ELP4: variants seen among roughly 807,000 people sequenced by gnomAD.
ELP4 encodes elongator acetyltransferase complex subunit 4, also known as elongator complex protein 4.
A neutral mutation model predicts 48.9 loss-of-function variants in ELP4; 51 were observed. The ratio of observed to expected loss-of-function variants is 1.04; its 90% CI spans 0.83 to 1.32. The LOEUF (loss-of-function observed/expected upper bound fraction) is 1.32. Among genes scored for constraint, ELP4 ranks in the 40% most tolerant of loss-of-function variants. The pLI is 0.00. For synonymous variants in ELP4, 210 were observed against 189.2 expected (o/e 1.11, Z -0.90); for missense variants, 519 against 514.6 (o/e 1.01, Z -0.08).
intron 9 of ELP4, among the ~76,000 whole-genome samples, chr11:31,752,266 G>C (rs547175692): frequency 7.0e-6 from 1 of 143,228 alleles, no homozygotes; most frequent in Non-Finnish European, 1.5e-5. Context: ...CTTAGCACTT[G>C]TTCTTAGTAA....
intron 9 of ELP4, among the ~76,000 whole-genome samples, chr11:31,754,942 G>T (rs1947801899): frequency 6.6e-6 from 1 of 152,148 alleles, no homozygotes; most frequent in South Asian, 2.1e-4. Context: ...GCCAGTTCTT[G>T]CTCTCTGAGC....
intron 9 of ELP4, among the ~76,000 whole-genome samples, chr11:31,724,392 C>T (rs1187355088): frequency 6.6e-6 from 1 of 152,170 alleles, no homozygotes; most frequent in East Asian, 1.9e-4. Flanking sequence ...TATGAAATCA[C>T]TGTTTTAATT....
chr11:31,572,708 G>A (rs914372082), intron 3 of ELP4, among the ~76,000 whole-genome samples: 9 of 152,130 alleles, frequency 5.9e-5, no homozygotes, highest in South Asian at 2.1e-4. Flanking sequence ...TGTAAAAAAG[G>A]TTTGTAGTAG....
chr11:31,769,160 A>G (rs879722420), intron 9 of ELP4, among the ~76,000 whole-genome samples: 2 of 152,204 alleles, frequency 1.3e-5, no homozygotes, highest in Non-Finnish European at 2.9e-5. Context: ...GGGGTCTCAA[A>G]GTAACTAGAG....
intron 2 of ELP4, 33 bp downstream of exon 2, chr11:31,520,124 A>G (rs761976402): frequency 2.5e-6 from 4 of 1,582,624 alleles, no homozygotes; most frequent in East Asian, 4.5e-5. Context: ...GCTCTCCTCT[A>G]TCATTGTTTT....
chr11:31,758,576 G>A (rs1947879238), intron 9 of ELP4, among the ~76,000 whole-genome samples: 1 of 151,830 alleles, frequency 6.6e-6, no homozygotes, highest in African/African-American at 2.4e-5. Context: ...GATAGTATAT[G>A]TCACAATATA....
intron 9 of ELP4, among the ~76,000 whole-genome samples, chr11:31,656,046 A>T (rs944020949): frequency 9.2e-5 from 14 of 152,002 alleles, no homozygotes; most frequent in Non-Finnish European, 1.9e-4. Context: ...GGAAGAAAAA[A>T]CATTTTTCCC....
At chr11:31,553,215 T>C (rs1349268164) in intron 3 of ELP4, among the ~76,000 whole-genome samples, 7 of 152,184 alleles carry the variant, frequency 4.6e-5, no homozygotes, top group Admixed American at 4.6e-4. Flanking sequence ...CTATTGCTTA[T>C]TACAGTGGAT....
intron 9 of ELP4, among the ~76,000 whole-genome samples, chr11:31,768,456 T>C (rs1004822619): frequency 2.6e-5 from 4 of 152,196 alleles, no homozygotes; most frequent in Admixed American, 1.3e-4. Flanking sequence ...CATTTCATTT[T>C]CTCAAACCAA....
intron 5 of ELP4, among the ~76,000 whole-genome samples, chr11:31,614,882 A>G (rs573353374): frequency 6.6e-6 from 1 of 152,306 alleles, no homozygotes; most frequent in South Asian, 2.1e-4. Flanking sequence ...ATTGAAGGAG[A>G]CTGAAGAGAA....
At chr11:31,549,592 A>T (rs1375765948) in intron 3 of ELP4, among the ~76,000 whole-genome samples, 1 of 151,946 alleles carries the variant, frequency 6.6e-6, no homozygotes, top group Non-Finnish European at 1.5e-5. Flanking sequence ...TTCCTCAGGG[A>T]TCTAGAACTA....
intron 9 of ELP4, among the ~76,000 whole-genome samples, chr11:31,760,162 C>T (rs1200116319): frequency 1.3e-5 from 2 of 152,194 alleles, no homozygotes; most frequent in Non-Finnish European, 2.9e-5. Context: ...CAACAAATTA[C>T]ATACCAACTT....
At chr11:31,511,676 A>G (rs1956012320) in intron 1 of ELP4, 2 of 152,118 alleles carry the variant, frequency 1.3e-5, no homozygotes, top group African/African-American at 2.4e-5. Flanking sequence ...GCTGTCTGAA[A>G]TTTTTACGTA....
chr11:31,654,200 A>C (rs1000357270), intron 9 of ELP4: 2 of 151,460 alleles, frequency 1.3e-5, no homozygotes, highest in Non-Finnish European at 3.0e-5. Flanking sequence ...TCTAAGTTCA[A>C]GTCAGAGAGT....
intron 1 of ELP4, among the ~76,000 whole-genome samples, chr11:31,516,271 G>A (rs557792598): frequency 3.0e-4 from 46 of 152,290 alleles, no homozygotes; most frequent in African/African-American, 1.1e-3. Flanking sequence ...AATAGTGCCT[G>A]CTCTAGCTTA....
intron 5 of ELP4, among the ~76,000 whole-genome samples, chr11:31,613,716 C>CTT (rs570320794): frequency 2.6e-4 from 33 of 126,330 alleles, no homozygotes; most frequent in African/African-American, 3.8e-4. Context: ...GAACAAGAGT[C>CTT]TTTTTTTTTT....
chr11:31,783,371 C>T (rs1592310966), intron 9 of ELP4, 22 bp from the exon 10 acceptor site: 3 of 1,582,662 alleles, frequency 1.9e-6, no homozygotes, highest in Admixed American at 1.9e-5. Context: ...TTTTTTTCTT[C>T]TCCTGAAATC....
intron 9 of ELP4, among the ~76,000 whole-genome samples, chr11:31,758,507 C>A (rs1442384466): frequency 6.6e-6 from 1 of 152,126 alleles, no homozygotes; most frequent in Non-Finnish European, 1.5e-5. Flanking sequence ...TGACCATGGA[C>A]GTTGTCAACC....
intron 9 of ELP4, among the ~76,000 whole-genome samples, chr11:31,745,087 A>T (rs1225987688): frequency 6.6e-6 from 1 of 152,230 alleles, no homozygotes; most frequent in African/African-American, 2.4e-5. Flanking sequence ...GCATTCTTAT[A>T]CACCATTAAC....
Sources: allele counts gnomAD v4.1 joint callset (sites outside exome capture counted in the v4.1 genomes callset), GRCh38; gene constraint gnomAD v4.1.1; transcripts MANE v1.5; gene names NCBI Gene and HGNC (gene_info 2026-07-23, HGNC 2026-07-21).